UBA6: variants seen among roughly 807,000 people sequenced by gnomAD.
UBA6 encodes ubiquitin like modifier activating enzyme 6.
A neutral mutation model predicts 148.3 loss-of-function variants in UBA6; 87 were observed. The ratio of observed to expected loss-of-function variants is 0.59; its 90% CI spans 0.49 to 0.70. UBA6 has a LOEUF of 0.70. Ranked by LOEUF, UBA6 falls within the 30% of genes least tolerant of loss-of-function variation. The probability of loss-of-function intolerance (pLI) is 0.00; values close to 1 mark genes in which losing one functional copy is unlikely to be tolerated. For missense variants in UBA6, 1,186 were observed against 1,241.2 expected (o/e 0.96, Z 0.67); for synonymous variants, 376 against 401.0 (o/e 0.94, Z 0.75).
At chr4:67,628,905 T>A (rs923476205) in intron 27 of UBA6, among the ~76,000 whole-genome samples, 166 bp downstream of exon 27, 1 of 151,986 alleles carries the variant, frequency 6.6e-6, no homozygotes, top group East Asian at 1.9e-4. Flanking sequence ...AAAATTAGTA[T>A]TAATCAACAG....
rs373214961 is a variant in UBA6 at position 67,684,252 on chromosome 4, G to C, written c.135-2039C>G. On this transcript the variant is annotated intron_variant, in intron 2 of 32. Coordinates refer to ENST00000322244, the MANE Select transcript of UBA6 (RefSeq NM_018227.6). ...CCCTTGGTTGGCACTTGTAAACTTG[G>C]CTCTTGAAATATTTCCTACACTAAT... is the stretch of plus-strand genomic sequence containing the variant. 4.1e-4 allele frequency among the ~76,000 whole-genome samples: 62 copies of C among 152,102 alleles called. 3 individuals are homozygous for C. In the South Asian group the frequency reaches 0.013, roughly 31 times the overall value.
chr4:67,632,894 G>T (rs1256061633), intron 23 of UBA6, among the ~76,000 whole-genome samples: 1 of 152,060 alleles, frequency 6.6e-6, no homozygotes, highest in Non-Finnish European at 1.5e-5. Flanking sequence ...AAAGACTAAA[G>T]AGAAGGCAAC....
intron 13 of UBA6, among the ~76,000 whole-genome samples, chr4:67,659,042 C>T (rs558251606): frequency 6.6e-6 from 1 of 152,208 alleles, no homozygotes; most frequent in Non-Finnish European, 1.5e-5. Flanking sequence ...AATTTCCCAT[C>T]AATAAACTTG....
At chr4:67,623,004 A>C in intron 31 of UBA6, 79 bp from the exon 32 acceptor site, 3 of 1,389,304 alleles carry the variant, frequency 2.2e-6, no homozygotes, top group Non-Finnish European at 2.0e-6. Context: ...GTTCGTAAAC[A>C]ATGTTTTATG....
At chr4:67,684,623 T>C (rs535099378) in intron 2 of UBA6, among the ~76,000 whole-genome samples, 188 of 149,834 alleles carry the variant, frequency 1.3e-3, no homozygotes, top group African/African-American at 4.6e-3. Flanking sequence ...ATGTGGATTC[T>C]ACAGCTGTTA....
intron 7 of UBA6, among the ~76,000 whole-genome samples, chr4:67,671,643 G>A (rs774221342): frequency 2.6e-4 from 40 of 151,992 alleles, no homozygotes; most frequent in Non-Finnish European, 4.9e-4. Context: ...ACCACAACAC[G>A]AATGCTCTAG....
intron 13 of UBA6, among the ~76,000 whole-genome samples, chr4:67,659,824 G>C (rs1436206483): frequency 6.6e-6 from 1 of 152,112 alleles, no homozygotes; most frequent in East Asian, 1.9e-4. Flanking sequence ...GAACTTATCA[G>C]TTTTGACCAA....
At chr4:67,622,074 G>C (rs1477481359) in intron 32 of UBA6, among the ~76,000 whole-genome samples, 2 of 152,194 alleles carry the variant, frequency 1.3e-5, no homozygotes, top group Non-Finnish European at 2.9e-5. Flanking sequence ...TGATTAGAGT[G>C]AGTATTCAAG....
intron 1 of UBA6, among the ~76,000 whole-genome samples, chr4:67,697,709 C>T (rs145343859): frequency 9.7e-4 from 148 of 152,258 alleles, no homozygotes; most frequent in African/African-American, 3.4e-3. Flanking sequence ...TAAGATATCT[C>T]AAACCTGATC....
intron 2 of UBA6, among the ~76,000 whole-genome samples, chr4:67,690,692 G>A (rs181594620): frequency 1.0e-3 from 155 of 152,156 alleles, no homozygotes; most frequent in East Asian, 9.8e-3. Context: ...ATGAAAAGGT[G>A]CTCAACATTC....
At chr4:67,667,894 T>C (rs1483771476) in intron 9 of UBA6, among the ~76,000 whole-genome samples, 1 of 152,124 alleles carries the variant, frequency 6.6e-6, no homozygotes, top group Non-Finnish European at 1.5e-5. Context: ...ACCTACAAAC[T>C]TGCCTGCAGA....
intron 2 of UBA6, among the ~76,000 whole-genome samples, chr4:67,691,568 T>C (rs1730694514): frequency 6.6e-6 from 1 of 152,226 alleles, no homozygotes; most frequent in African/African-American, 2.4e-5. Flanking sequence ...TTGAGATTCT[T>C]GCATATTTTT....
chr4:67,673,892 T>C (rs1224412090), intron 6 of UBA6, 115 bp from the exon 7 acceptor site: 2 of 569,156 alleles, frequency 3.5e-6, no homozygotes, highest in African/African-American at 3.8e-5. Context: ...CTAATCTCAT[T>C]GAAAAGTTAT....
chr4:67,629,452 A>G (rs550522705), intron 26 of UBA6, among the ~76,000 whole-genome samples: 1 of 152,116 alleles, frequency 6.6e-6, no homozygotes, highest in East Asian at 1.9e-4. Context: ...TGACTTGATC[A>G]GTCAGTTTTA....
chr4:67,688,184 T>G (rs569970577), intron 2 of UBA6, among the ~76,000 whole-genome samples: 1 of 152,184 alleles, frequency 6.6e-6, no homozygotes, highest in Non-Finnish European at 1.5e-5. Context: ...GGAAATTATA[T>G]GCAAGGAAGA....
chr4:67,659,471 CTG>C (rs1729785877), intron 13 of UBA6, among the ~76,000 whole-genome samples: 1 of 152,076 alleles, frequency 6.6e-6, no homozygotes, highest in African/African-American at 2.4e-5. Flanking sequence ...TGCACTCACT[CTG>C]TCTTGCCACC....
intron 13 of UBA6, among the ~76,000 whole-genome samples, chr4:67,658,567 C>T (rs35719494): frequency 0.21 from 32,264 of 151,768 alleles, 3,653 homozygotes; most frequent in Middle Eastern, 0.31. Flanking sequence ...GAAGAGGGGG[C>T]GGAAATGACT....
intron 2 of UBA6, among the ~76,000 whole-genome samples, chr4:67,686,214 G>C (rs1180444724): frequency 6.6e-6 from 1 of 152,118 alleles, no homozygotes; most frequent in South Asian, 2.1e-4. Context: ...TATTCCCTTG[G>C]GGCCATAGAG....
intron 26 of UBA6, among the ~76,000 whole-genome samples, chr4:67,629,359 T>C (rs547804347): frequency 1.3e-5 from 2 of 151,884 alleles, no homozygotes; most frequent in Non-Finnish European, 2.9e-5. Context: ...AAAGTACTTA[T>C]TAGTCAACAA....
Sources: allele counts gnomAD v4.1 joint callset (sites outside exome capture counted in the v4.1 genomes callset), GRCh38; gene constraint gnomAD v4.1.1; transcripts MANE v1.5; gene names NCBI Gene and HGNC (gene_info 2026-07-23, HGNC 2026-07-21).